IMMP2L: variants seen among roughly 807,000 people sequenced by gnomAD.
IMMP2L encodes inner mitochondrial membrane peptidase subunit 2, also known as mitochondrial inner membrane protease subunit 2.
A neutral mutation model predicts 19.3 loss-of-function variants in IMMP2L; 18 were observed. That is an observed-to-expected ratio of 0.93 (90% confidence interval 0.64 to 1.38). IMMP2L has a LOEUF of 1.38. IMMP2L is among the 40% of genes most tolerant of loss of function. The pLI is 0.00. For synonymous variants in IMMP2L, 76 were observed against 73.0 expected (o/e 1.04, Z -0.21); for missense variants, 233 against 218.2 (o/e 1.07, Z -0.43).
chr7:110,693,399 TA>T (rs1385938132), intron 5 of IMMP2L, among the ~76,000 whole-genome samples: 2 of 152,242 alleles, frequency 1.3e-5, no homozygotes, highest in South Asian at 2.1e-4. Flanking sequence ...CCTCCACATT[TA>T]AAATAGTGCC....
Position 110,886,666 on chromosome 7 carries a change from T to G in IMMP2L, c.335A>C (p.Lys112Thr). Reference sequence around the variant, plus strand: ...AACCCAGATGTGACCACGGGGGACTTTGACATACCGGTTTTTGTGTCCTAT... The same window carrying G: ...AACCCAGATGTGACCACGGGGGACTGTGACATACCGGTTTTTGTGTCCTAT... ...RTIGHKNRYV[K>T]VPRGHIWVEG... Residue 112 changes from lysine to threonine, a missense_variant, in exon 5 of 6, where the codon AAA becomes ACA. By Grantham distance (78) the Lys-to-Thr change is moderately conservative. Coordinates refer to ENST00000405709, the MANE Select transcript of IMMP2L (RefSeq NM_032549.4). 6.2e-7 allele frequency: 1 copy of G among 1,603,178 alleles called. No individual in the cohort carries two copies. Among genetic ancestry groups the G allele is most frequent in the Non-Finnish European group, 8.5e-7 (1 of 1,170,302 alleles).
At chr7:110,714,029 T>C (rs1394692385) in intron 5 of IMMP2L, among the ~76,000 whole-genome samples, 1 of 152,136 alleles carries the variant, frequency 6.6e-6, no homozygotes, top group Admixed American at 6.5e-5. Flanking sequence ...ATGCCTCCTG[T>C]TTTTACTCAT....
At chr7:111,139,624 T>C (rs1209548196) in intron 3 of IMMP2L, among the ~76,000 whole-genome samples, 1 of 152,124 alleles carries the variant, frequency 6.6e-6, no homozygotes, top group Admixed American at 6.6e-5. Context: ...GATATGCAAG[T>C]TAATCATCTC....
chr7:111,331,052 T>C (rs1825825800), intron 3 of IMMP2L, among the ~76,000 whole-genome samples: 1 of 151,946 alleles, frequency 6.6e-6, no homozygotes, highest in African/African-American at 2.4e-5. Context: ...AGAATTAGCA[T>C]ATGACCCAGC....
chr7:111,067,002 C>G (rs747847846), intron 3 of IMMP2L, among the ~76,000 whole-genome samples: 1 of 152,172 alleles, frequency 6.6e-6, no homozygotes, highest in East Asian at 1.9e-4. Flanking sequence ...AGTACTCTAT[C>G]CATATTGTCA....
At chr7:110,950,500 T>C (rs1466800802) in intron 4 of IMMP2L, among the ~76,000 whole-genome samples, 6 of 152,054 alleles carry the variant, frequency 3.9e-5, no homozygotes, top group Non-Finnish European at 8.8e-5. Flanking sequence ...TCAGCTTCTA[T>C]GGAAAACACT....
intron 3 of IMMP2L, among the ~76,000 whole-genome samples, chr7:111,068,916 A>G (rs980993762): frequency 6.6e-6 from 1 of 152,290 alleles, no homozygotes; most frequent in Non-Finnish European, 1.5e-5. Context: ...GATGATAGCC[A>G]ATACAATAAA....
chr7:110,789,396 T>C (rs1186475810), intron 5 of IMMP2L, among the ~76,000 whole-genome samples: 1 of 151,736 alleles, frequency 6.6e-6, no homozygotes. Context: ...CTGTTTCTCA[T>C]ACCCACCTTA....
chr7:111,269,637 T>C (rs1376815541), intron 3 of IMMP2L, among the ~76,000 whole-genome samples: 3 of 150,156 alleles, frequency 2.0e-5, no homozygotes, highest in African/African-American at 7.4e-5. Context: ...GTAGTATGTA[T>C]TACAGTTTTT....
At chr7:111,087,382 T>C (rs938135916) in intron 3 of IMMP2L, among the ~76,000 whole-genome samples, 8 of 151,392 alleles carry the variant, frequency 5.3e-5, no homozygotes, top group African/African-American at 1.9e-4. Flanking sequence ...CCGGAAGGTG[T>C]TGGTTGCAGT....
chr7:110,726,658 C>G (rs1562940026), intron 5 of IMMP2L, among the ~76,000 whole-genome samples: 1 of 152,132 alleles, frequency 6.6e-6, no homozygotes, highest in Non-Finnish European at 1.5e-5. Flanking sequence ...CTCACCTCAG[C>G]GTGGGGAAAG....
intron 3 of IMMP2L, among the ~76,000 whole-genome samples, chr7:111,080,506 TATA>T (rs892331691): frequency 2.3e-4 from 10 of 44,254 alleles, no homozygotes; most frequent in South Asian, 5.9e-4. Flanking sequence ...GTGTATAATA[TATA>T]ATGTGTGTAT....
chr7:110,932,573 C>G (rs1437639710), intron 4 of IMMP2L, among the ~76,000 whole-genome samples: 1 of 152,018 alleles, frequency 6.6e-6, no homozygotes, highest in East Asian at 1.9e-4. Flanking sequence ...CCAGGATGGT[C>G]TCGATCTCCT....
At chr7:110,777,430 T>C (rs897042511) in intron 5 of IMMP2L, among the ~76,000 whole-genome samples, 3 of 152,008 alleles carry the variant, frequency 2.0e-5, no homozygotes, top group Non-Finnish European at 4.4e-5. Context: ...TACTAATGCA[T>C]ATTTCCTACA....
intron 5 of IMMP2L, among the ~76,000 whole-genome samples, chr7:110,810,779 A>C (rs1801983294): frequency 6.6e-6 from 1 of 152,078 alleles, no homozygotes; most frequent in Non-Finnish European, 1.5e-5. Flanking sequence ...ACAATACCTG[A>C]ATTTGTGAAG....
In IMMP2L at chr7:111,521,349, G is replaced by C; in HGVS notation, c.99C>G (p.Val33=). 4 of 1,613,022 alleles carry C rather than the reference G, an allele frequency of 2.5e-6. No individual in the cohort carries two copies. The South Asian group carries it at 3.3e-5, about 13-fold the overall frequency. Residue 33 remains valine, a synonymous_variant, in exon 2 of 6, where the codon GTC becomes GTG. Coordinates refer to ENST00000405709, the MANE Select transcript of IMMP2L (RefSeq NM_032549.4). ...CTCCTTCTACTCTTGCCACACAGGCGACCCGATCCAAGAAAGTCACTGCCA... is the reference window on the plus strand; with the variant it reads ...CTCCTTCTACTCTTGCCACACAGGCCACCCGATCCAAGAAAGTCACTGCCA... ...VPVAVTFLDR[V]ACVARVEGAS... is the part of the protein sequence containing the mutation.
intron 2 of IMMP2L, among the ~76,000 whole-genome samples, chr7:111,493,311 T>C (rs1756609358): frequency 6.6e-6 from 1 of 152,102 alleles, no homozygotes; most frequent in South Asian, 2.1e-4. Context: ...CAACAAAACA[T>C]CATAAAGAAA....
intron 3 of IMMP2L, among the ~76,000 whole-genome samples, chr7:111,250,770 C>T (rs892381607): frequency 6.6e-6 from 1 of 152,078 alleles, no homozygotes; most frequent in Admixed American, 6.6e-5. Context: ...GGATTAAAGA[C>T]TTAAATGTAA....
At chr7:111,075,181 C>G (rs1385318784) in intron 3 of IMMP2L, among the ~76,000 whole-genome samples, 1 of 136,616 alleles carries the variant, frequency 7.3e-6, no homozygotes, top group African/African-American at 2.9e-5. Flanking sequence ...GGCTGGAGTA[C>G]AGTGGCACAA....
Sources: gnomAD v4.1 joint callset for allele counts (sites outside exome capture counted in the v4.1 genomes callset) on GRCh38, gnomAD v4.1.1 for gene constraint, MANE v1.5 for transcripts, NCBI Gene and HGNC (gene_info 2026-07-23, HGNC 2026-07-21) for gene names.